Variants in SMAD7 observed in about 807,000 individuals in gnomAD.
SMAD7 encodes the protein SMAD family member 7.
SMAD7 carries 8 observed loss-of-function variants against 38.7 expected under a neutral mutation model. That is an observed-to-expected ratio of 0.21 (90% CI 0.12 to 0.37). The LOEUF is 0.37. Ranked by LOEUF, SMAD7 falls within the 10% of genes least tolerant of loss-of-function variation. The pLI is 1.00. For missense variants in SMAD7, 477 were observed against 577.9 expected (o/e 0.83, Z 1.79); for synonymous variants, 327 against 265.1 (o/e 1.23, Z -2.27).
At chr18:48,943,259 C>G (rs554951524) in intron 2 of SMAD7, among the ~76,000 whole-genome samples, 2 of 152,318 alleles carry the variant, frequency 1.3e-5, no homozygotes, top group South Asian at 4.1e-4. Flanking sequence ...AACCCCAGAC[C>G]TGCTAAGGCT....
chr18:48,934,960 G>A (rs1022982824), intron 3 of SMAD7, among the ~76,000 whole-genome samples: 3 of 152,236 alleles, frequency 2.0e-5, no homozygotes, highest in Non-Finnish European at 4.4e-5. Context: ...CCTCAACACC[G>A]CTGAAAGTCC....
In SMAD7 at chr18:48,936,576, AG is replaced by A. The variant is rs563762514; in HGVS notation, c.742+5904del. 1.4e-3 allele frequency among the ~76,000 whole-genome samples: 212 copies of A among 152,350 alleles called. 5 individuals are homozygous for A. The highest frequency in any genetic ancestry group is 4.5e-3 in the African/African-American group (186 of 41,588). On this transcript the variant is annotated intron_variant, in intron 3 of 3. Transcript: ENST00000262158. ...TCTCAAATGTCTCTACAAAGAAGCA[AG>A]AAAGTTATCTGGGAAGCTGAATCCC...
Position 48,949,920 on chromosome 18 carries a change from T to G in SMAD7, c.505A>C (p.Arg169=). Residue 169 remains arginine, a synonymous_variant, in exon 1 of 4, where the codon AGG becomes CGG. Transcript: ENST00000262158. ...LCKVFRWPDL[R]HSSEVKRLCC... Reference sequence around the variant, plus strand: ...AGCCTCTTGACTTCCGAGGAATGCCTGAGATCCGGCCACCTGAACACTTTG... The same window carrying G: ...AGCCTCTTGACTTCCGAGGAATGCCGGAGATCCGGCCACCTGAACACTTTG... The G allele has an allele frequency of 1.2e-6, 2 of 1,613,576 alleles. No homozygotes were observed. Among genetic ancestry groups the G allele is most frequent in the Non-Finnish European group, 1.7e-6 (2 of 1,179,866 alleles).
chr18:48,942,612 T>A (rs762418097), intron 2 of SMAD7, 57 bp from the exon 3 acceptor site: 1 of 1,611,702 alleles, frequency 6.2e-7, no homozygotes. Flanking sequence ...AACACCAAGA[T>A]CCATCTTTAA....
intron 3 of SMAD7, among the ~76,000 whole-genome samples, chr18:48,931,684 G>A (rs1409023455): frequency 2.0e-5 from 3 of 152,264 alleles, no homozygotes; most frequent in Non-Finnish European, 2.9e-5. Flanking sequence ...GATCACCGAA[G>A]GGACTTGGCA....
intron 1 of SMAD7, 52 bp from the exon 2 acceptor site, chr18:48,948,489 T>A (rs770651393): frequency 4.3e-4 from 339 of 788,832 alleles, no homozygotes; most frequent in Non-Finnish European, 6.6e-4. Flanking sequence ...AGAAGAGAGA[T>A]AGAAACTTAT....
intron 3 of SMAD7, among the ~76,000 whole-genome samples, chr18:48,924,159 T>A (rs1288797820): frequency 2.2e-5 from 3 of 134,424 alleles, no homozygotes; most frequent in African/African-American, 8.3e-5. Flanking sequence ...TTTTCCCAAT[T>A]CGGGACAACA....
chr18:48,933,911 A>T (rs894006016), intron 3 of SMAD7, among the ~76,000 whole-genome samples: 1 of 152,200 alleles, frequency 6.6e-6, no homozygotes, highest in African/African-American at 2.4e-5. Flanking sequence ...CACGCTAAGG[A>T]AAAAGCTGGG....
At chr18:48,935,683 G>A (rs371463617) in intron 3 of SMAD7, among the ~76,000 whole-genome samples, 1 of 152,184 alleles carries the variant, frequency 6.6e-6, no homozygotes, top group East Asian at 1.9e-4. Context: ...GTCAGGCCGG[G>A]AATCAAACCA....
intron 3 of SMAD7, among the ~76,000 whole-genome samples, chr18:48,935,979 G>C (rs1325506859): frequency 1.3e-5 from 2 of 151,900 alleles, no homozygotes; most frequent in African/African-American, 4.8e-5. Context: ...GGATACTGAC[G>C]CATGAGAATG....
At position 48,949,324 on chromosome 18, in the gene SMAD7, C is replaced by G; in HGVS notation, c.613+488G>C. ...GCCACTGGTGTTCGACGTGATTCTC[C>G]GTATTTACTAAAGGAGTAAATACGG... On this transcript the variant is annotated intron_variant, in intron 1 of 3. Transcript: ENST00000262158. 4 of 976,736 alleles carry G rather than the reference C, an allele frequency of 4.1e-6. No homozygotes were observed. In the South Asian group the frequency reaches 1.9e-4, roughly 46 times the overall value. The allele number at this position is 976,736 out of a possible 1,614,324, so 60.5% of individuals were successfully genotyped here. A position where few individuals can be genotyped will look rare whatever the true frequency, so the allele number is the denominator to read the frequency against.
At chr18:48,934,583 T>C (rs532444277) in intron 3 of SMAD7, among the ~76,000 whole-genome samples, 4 of 152,150 alleles carry the variant, frequency 2.6e-5, no homozygotes, top group African/African-American at 9.6e-5. Context: ...GCCTTACCAT[T>C]TGGGGAAGGA....
intron 3 of SMAD7, among the ~76,000 whole-genome samples, chr18:48,941,897 C>T (rs887665458): frequency 2.0e-5 from 3 of 152,134 alleles, no homozygotes; most frequent in Non-Finnish European, 2.9e-5. Flanking sequence ...AAACCTGCCC[C>T]GCTAGGGAAC....
At position 48,929,137 on chromosome 18, in the gene SMAD7, C is replaced by G. The variant is rs376759733; in HGVS notation, c.743-7227G>C. Among the ~76,000 whole-genome samples the G allele has an allele frequency of 2.1e-4, 32 of 152,224 alleles. No homozygotes were observed. The East Asian group carries it at 4.4e-3, about 21-fold the overall frequency. ...GGCTGCTGTTTAGTGTGCATGCAGT[C>G]GAATCATTTCTCGAGTTCAAATTTC... On this transcript the variant is annotated intron_variant, in intron 3 of 3. Transcript: ENST00000262158.
intron 3 of SMAD7, among the ~76,000 whole-genome samples, chr18:48,923,255 G>A (rs927446091): frequency 1.3e-5 from 2 of 152,216 alleles, no homozygotes; most frequent in African/African-American, 4.8e-5. Flanking sequence ...CAGGGGTTGA[G>A]TGTGAGATGT....
chr18:48,934,426 G>A (rs1233652443), intron 3 of SMAD7, among the ~76,000 whole-genome samples: 4 of 150,386 alleles, frequency 2.7e-5, no homozygotes, highest in Non-Finnish European at 4.4e-5. Flanking sequence ...GGCTAAAGGC[G>A]TGAGTAAATT....
chr18:48,926,693 A>G (rs926619975), intron 3 of SMAD7, among the ~76,000 whole-genome samples: 2 of 152,186 alleles, frequency 1.3e-5, no homozygotes, highest in Non-Finnish European at 2.9e-5. Flanking sequence ...GAGCGCAAAC[A>G]TCACCACGCC....
At chr18:48,949,263 A>C in intron 1 of SMAD7, 2 of 984,950 alleles carry the variant, frequency 2.0e-6, no homozygotes, top group Non-Finnish European at 2.4e-6. Context: ...TCTTTGCCCC[A>C]AAACTCCAAA....
Position 48,920,403 on chromosome 18 carries a change from C to T in SMAD7, c.*969G>A, listed in dbSNP as rs2069841891. 6.6e-6 allele frequency: 1 copy of T among 152,476 alleles called. No individual in the cohort carries two copies. Among genetic ancestry groups the T allele is most frequent in the African/African-American group, 2.4e-5 (1 of 41,458 alleles). 9.4% of individuals were successfully genotyped at this position (152,476 alleles called of 1,614,324 possible). A position where few individuals can be genotyped will look rare whatever the true frequency, so the allele number is the denominator to read the frequency against. On this transcript the variant is annotated 3_prime_UTR_variant, in exon 4 of 4. Coordinates refer to ENST00000262158, the MANE Select transcript of SMAD7 (RefSeq NM_005904.4). ...CAAATCCTTCTTGGAGGGAAGGGGA[C>T]TGCTAAGCATGTCCCTCCCAGGGAC...
Sources: gnomAD v4.1 joint callset for allele counts (sites outside exome capture counted in the v4.1 genomes callset) on GRCh38, gnomAD v4.1.1 for gene constraint, MANE v1.5 for transcripts, NCBI Gene and HGNC (gene_info 2026-07-23, HGNC 2026-07-21) for gene names.